ADARB2: variants seen among roughly 807,000 people sequenced by gnomAD.
ADARB2 encodes adenosine deaminase RNA specific B2 (inactive).
A neutral mutation model predicts 62.2 loss-of-function variants in ADARB2; 25 were observed. The ratio of observed to expected loss-of-function variants is 0.40; its 90% CI spans 0.29 to 0.56. The LOEUF is 0.56. Ranked by LOEUF, ADARB2 falls within the 20% of genes least tolerant of loss-of-function variation. ADARB2 has a pLI of 0.43. For missense variants in ADARB2, 1,071 were observed against 1,077.4 expected (o/e 0.99, Z 0.08); for synonymous variants, 572 against 500.8 (o/e 1.14, Z -1.90).
chr10:1,514,178 A>AATATATATATAT (rs61671460), intron 1 of ADARB2, among the ~76,000 whole-genome samples: 8,675 of 93,988 alleles, frequency 0.092, 1,393 homozygotes, highest in South Asian at 0.15. Flanking sequence ...GCTGTCTCAA[A>AATATATATATAT]ATATATATAT....
intron 3 of ADARB2, among the ~76,000 whole-genome samples, chr10:1,357,148 G>A (rs1298968718): frequency 1.3e-5 from 2 of 152,242 alleles, no homozygotes; most frequent in Non-Finnish European, 1.5e-5. Context: ...ACACTGCAAA[G>A]ATGCTTGGCT....
At chr10:1,520,735 A>C (rs1050933707) in intron 1 of ADARB2, among the ~76,000 whole-genome samples, 2 of 152,122 alleles carry the variant, frequency 1.3e-5, no homozygotes, top group Non-Finnish European at 2.9e-5. Context: ...AATATGTATC[A>C]CCTCCTATGA....
chr10:1,615,638 C>T (rs953646977), intron 1 of ADARB2, among the ~76,000 whole-genome samples: 3 of 152,240 alleles, frequency 2.0e-5, no homozygotes, highest in African/African-American at 7.2e-5. Context: ...GTTTCTTCCA[C>T]CCCCAGGACT....
At chr10:1,613,330 A>G (rs1335490746) in intron 1 of ADARB2, among the ~76,000 whole-genome samples, 1 of 152,230 alleles carries the variant, frequency 6.6e-6, no homozygotes, top group Non-Finnish European at 1.5e-5. Context: ...TTTTTAAGCA[A>G]AAATATAAAT....
intron 1 of ADARB2, among the ~76,000 whole-genome samples, chr10:1,449,164 T>C (rs57508058): frequency 0.045 from 6,863 of 152,196 alleles, 445 homozygotes; most frequent in African/African-American, 0.15. Flanking sequence ...CCACTCCTTT[T>C]CTTTATTGCC....
chr10:1,678,397 G>C, intron 1 of ADARB2: 3 of 943,158 alleles, frequency 3.2e-6, no homozygotes, highest in Non-Finnish European at 2.5e-6. Context: ...AGTGTCCTTG[G>C]GGTGAGCGTC....
Position 1,177,444 on chromosome 10 carries a change from T to A in ADARB2, c.*5749A>T, listed in dbSNP as rs1427855245. The A allele has an allele frequency of 6.6e-6, 1 of 152,256 alleles. No individual in the cohort carries two copies. Among genetic ancestry groups the A allele is most frequent in the Non-Finnish European group, 1.5e-5 (1 of 68,044 alleles). The allele number at this position is 152,256 out of a possible 1,614,324, so 9.4% of individuals were successfully genotyped here. A position where few individuals can be genotyped will look rare whatever the true frequency, so the allele number is the denominator to read the frequency against. The stretch of plus-strand genomic sequence containing the variant: ...TATTTTAAGGTTTTGGATTTTTTTT[T>A]ACAAATATTACAAATGTACATCCAT... On this transcript the variant is annotated 3_prime_UTR_variant, in exon 10 of 10. Transcript: ENST00000381312.
At chr10:1,448,448 G>A (rs1830997760) in intron 1 of ADARB2, among the ~76,000 whole-genome samples, 1 of 152,158 alleles carries the variant, frequency 6.6e-6, no homozygotes, top group Non-Finnish European at 1.5e-5. Flanking sequence ...AACCTATTCA[G>A]CATAGAGCTG....
chr10:1,602,981 C>T (rs1286913241), intron 1 of ADARB2, among the ~76,000 whole-genome samples: 5 of 151,178 alleles, frequency 3.3e-5, no homozygotes, highest in South Asian at 2.1e-4. Flanking sequence ...CACATCAACA[C>T]GTGCACACAC....
At chr10:1,680,320 C>T (rs1158232950) in intron 1 of ADARB2, among the ~76,000 whole-genome samples, 4 of 152,058 alleles carry the variant, frequency 2.6e-5, no homozygotes, top group Non-Finnish European at 4.4e-5. Flanking sequence ...TGAGCTCCTC[C>T]TTTTCCTCTC....
At chr10:1,669,102 C>T (rs1834348417) in intron 1 of ADARB2, among the ~76,000 whole-genome samples, 1 of 152,288 alleles carries the variant, frequency 6.6e-6, no homozygotes, top group East Asian at 1.9e-4. Context: ...AGCCTACTGC[C>T]TGCCTAATGT....
chr10:1,669,863 GAC>G (rs749326580), intron 1 of ADARB2, among the ~76,000 whole-genome samples: 28 of 150,566 alleles, frequency 1.9e-4, no homozygotes, highest in Middle Eastern at 3.5e-3. Flanking sequence ...GAGACACACA[GAC>G]ACAAATACAC....
At chr10:1,211,695 A>G (rs1226160076) in intron 7 of ADARB2, among the ~76,000 whole-genome samples, 1 of 152,098 alleles carries the variant, frequency 6.6e-6, no homozygotes, top group Non-Finnish European at 1.5e-5. Context: ...ACTGTGGCCA[A>G]TTTCAAGGGC....
chr10:1,229,716 TC>T (rs1830783523), intron 6 of ADARB2, among the ~76,000 whole-genome samples: 2 of 22,542 alleles, frequency 8.9e-5, no homozygotes, highest in Non-Finnish European at 2.1e-4. Flanking sequence ...GTATGCGTGT[TC>T]ATGTGTGCAC....
At chr10:1,330,906 G>A (rs934882908) in intron 3 of ADARB2, among the ~76,000 whole-genome samples, 2 of 152,110 alleles carry the variant, frequency 1.3e-5, no homozygotes, top group Non-Finnish European at 2.9e-5. Context: ...TGATATACCC[G>A]AATACATAAT....
chr10:1,503,669 G>C (rs1471577127), intron 1 of ADARB2, among the ~76,000 whole-genome samples: 1 of 152,122 alleles, frequency 6.6e-6, no homozygotes, highest in Non-Finnish European at 1.5e-5. Flanking sequence ...GTGGGGCTTG[G>C]TGGGAGGTGA....
rs1384231822 is a variant in ADARB2, at chr10:1,737,260, G to A, written c.-110C>T. On this transcript the variant is annotated 5_prime_UTR_variant, in exon 1 of 10. Transcript: ENST00000381312. ...CTGCGAAGCTTGAGGTTGCAAACCC[G>A]GGAGCGGCTCACTTTTCAGGACTGA... is the stretch of plus-strand genomic sequence containing the variant. 4 of 1,127,488 alleles carry A rather than the reference G, an allele frequency of 3.5e-6. No homozygotes were observed. Among genetic ancestry groups the A allele is most frequent in the South Asian group, 1.3e-5 (1 of 76,988 alleles). The allele number at this position is 1,127,488 out of a possible 1,614,324, so 69.8% of individuals were successfully genotyped here. A position where few individuals can be genotyped will look rare whatever the true frequency, so the allele number is the denominator to read the frequency against.
At chr10:1,711,720 T>C (rs564329274) in intron 1 of ADARB2, among the ~76,000 whole-genome samples, 28 of 152,296 alleles carry the variant, frequency 1.8e-4, no homozygotes, top group African/African-American at 6.5e-4. Context: ...AGGCTAAAGA[T>C]TTATTTCTCT....
At chr10:1,629,334 C>A (rs1050799678) in intron 1 of ADARB2, among the ~76,000 whole-genome samples, 2 of 152,084 alleles carry the variant, frequency 1.3e-5, no homozygotes, top group South Asian at 2.1e-4. Flanking sequence ...TTACTCCTAG[C>A]CATGCTGTCC....
Sources: allele counts gnomAD v4.1 joint callset (sites outside exome capture counted in the v4.1 genomes callset), GRCh38; gene constraint gnomAD v4.1.1; transcripts MANE v1.5; gene names NCBI Gene and HGNC (gene_info 2026-07-23, HGNC 2026-07-21).